NPFFR2: variants seen among roughly 807,000 people sequenced by gnomAD.
The protein encoded by NPFFR2 is G-protein coupled receptor 74.
NPFFR2 carries 15 observed loss-of-function variants against 13.1 expected under a neutral mutation model. The observed-to-expected ratio is 1.15, with a 90% CI of 0.77 to 1.76. NPFFR2 has a LOEUF of 1.76. NPFFR2 is among the 40% of genes most tolerant of loss of function. NPFFR2 has a pLI of 0.00. For missense variants in NPFFR2, 572 were observed against 503.5 expected (o/e 1.14, Z -1.30); for synonymous variants, 190 against 175.7 (o/e 1.08, Z -0.65).
rs116791311 is a variant in NPFFR2, at chr4:72,110,570, C to T, written c.-7-18015C>T. Among the ~76,000 whole-genome samples, 481 of 152,062 alleles carry T rather than the reference C, an allele frequency of 3.2e-3. 3 individuals carry two copies. Among genetic ancestry groups the T allele is most frequent in the African/African-American group, 0.011 (472 of 41,508 alleles). ...ATCATCCAAGACAAAGTTGGTTTCC[C>T]TAGCTTTGGAGTTATCTGATGCCCT... On this transcript the variant is annotated intron_variant, in intron 1 of 3. Coordinates refer to ENST00000308744, the MANE Select transcript of NPFFR2 (RefSeq NM_004885.3).
At chr4:72,082,607 C>T (rs913096956) in intron 1 of NPFFR2, among the ~76,000 whole-genome samples, 1 of 152,198 alleles carries the variant, frequency 6.6e-6, no homozygotes, top group African/African-American at 2.4e-5. Flanking sequence ...ATGATTACAT[C>T]AGGCTGATTA....
In NPFFR2 at chr4:72,032,070, G is replaced by A. The variant is rs1195354906; in HGVS notation, c.-138G>A. ...GGAGTGGAGCAGGCAGTCCGCGGGG[G>A]ACAGACGTCGGCTGGGATTGAGCCG... On this transcript the variant is annotated 5_prime_UTR_variant, in exon 1 of 4. Coordinates refer to ENST00000308744, the MANE Select transcript of NPFFR2 (RefSeq NM_004885.3). The A allele has an allele frequency of 3.7e-6, 6 of 1,614,090 alleles. No homozygotes were observed. Among genetic ancestry groups the A allele is most frequent in the African/African-American group, 1.3e-5 (1 of 75,064 alleles).
At position 72,066,834 on chromosome 4, in the gene NPFFR2, T is replaced by A. The variant is rs115269393; in HGVS notation, c.-8+34634T>A. Among the ~76,000 whole-genome samples the A allele has an allele frequency of 8.0e-3, 1,214 of 152,234 alleles. 8 individuals are homozygous for A. The highest frequency in any genetic ancestry group is 0.017 in the African/African-American group (703 of 41,550). ...TACAACCCCATGGCTTTACTGAGTG[T>A]ACCCCAAGCAGCTGCCCTCACAGAT... On this transcript the variant is annotated intron_variant, in intron 1 of 3. Coordinates refer to ENST00000308744, the MANE Select transcript of NPFFR2 (RefSeq NM_004885.3).
At chr4:72,060,085 AG>A (rs1161168198) in intron 1 of NPFFR2, among the ~76,000 whole-genome samples, 1 of 152,132 alleles carries the variant, frequency 6.6e-6, no homozygotes, top group Non-Finnish European at 1.5e-5. Context: ...GAACTGGTTC[AG>A]GTCTAAAAAT....
At chr4:72,044,569 C>CT (rs1030771627) in intron 1 of NPFFR2, among the ~76,000 whole-genome samples, 10 of 152,030 alleles carry the variant, frequency 6.6e-5, no homozygotes, top group African/African-American at 2.4e-4. Flanking sequence ...TATTTTTTGT[C>CT]TTTTTAATAG....
chr4:72,101,688 G>A (rs1721256423), intron 1 of NPFFR2, among the ~76,000 whole-genome samples: 1 of 151,838 alleles, frequency 6.6e-6, no homozygotes, highest in African/African-American at 2.4e-5. Context: ...CTGGGTAAAG[G>A]GGAAAGAAGG....
intron 2 of NPFFR2, among the ~76,000 whole-genome samples, chr4:72,133,901 A>G (rs1002673652): frequency 2.0e-5 from 3 of 152,004 alleles, no homozygotes; most frequent in Non-Finnish European, 2.9e-5. Flanking sequence ...GCCAATAAAA[A>G]GTGCTCTCAA....
At chr4:72,097,872 A>G (rs982818596) in intron 1 of NPFFR2, among the ~76,000 whole-genome samples, 126 of 152,310 alleles carry the variant, frequency 8.3e-4, no homozygotes, top group African/African-American at 3.0e-3. Context: ...GAACTGCAAT[A>G]TACCCTTCAG....
At chr4:72,032,235 G>C (rs1481548861) in intron 1 of NPFFR2, 35 bp downstream of exon 1, 1 of 1,551,856 alleles carries the variant, frequency 6.4e-7, no homozygotes, top group Non-Finnish European at 8.7e-7. Flanking sequence ...GGGGGCCCCC[G>C]CTTGGGGGCG....
intron 3 of NPFFR2, among the ~76,000 whole-genome samples, chr4:72,138,839 T>C (rs1722504930): frequency 6.6e-6 from 1 of 152,190 alleles, no homozygotes; most frequent in African/African-American, 2.4e-5. Flanking sequence ...ATCGTCACAC[T>C]GTCTTCCCCA....
chr4:72,063,946 G>C (rs772059216), intron 1 of NPFFR2, among the ~76,000 whole-genome samples: 4 of 152,126 alleles, frequency 2.6e-5, no homozygotes, highest in Non-Finnish European at 4.4e-5. Context: ...GAAAACCAAT[G>C]ACTGGGTCTC....
intron 1 of NPFFR2, among the ~76,000 whole-genome samples, chr4:72,059,651 C>G (rs989788327): frequency 1.3e-5 from 2 of 152,012 alleles, no homozygotes; most frequent in Non-Finnish European, 2.9e-5. Flanking sequence ...TAACTTGGCC[C>G]TTCGTATTCT....
intron 1 of NPFFR2, among the ~76,000 whole-genome samples, chr4:72,085,795 A>G (rs1315545285): frequency 6.6e-6 from 1 of 152,150 alleles, no homozygotes; most frequent in Non-Finnish European, 1.5e-5. Flanking sequence ...TTTTTACAGC[A>G]AACTAAAGTT....
chr4:72,085,428 C>CT (rs760329324), intron 1 of NPFFR2, among the ~76,000 whole-genome samples: 3 of 152,100 alleles, frequency 2.0e-5, no homozygotes, highest in African/African-American at 4.8e-5. Context: ...CAGCCACAAG[C>CT]TTTTTTTTCC....
At chr4:72,085,953 T>C (rs969530049) in intron 1 of NPFFR2, among the ~76,000 whole-genome samples, 3 of 152,100 alleles carry the variant, frequency 2.0e-5, no homozygotes, top group African/African-American at 4.8e-5. Context: ...TCTTATAAAC[T>C]GGAAGAGAGC....
chr4:72,091,146 T>C (rs1720909159), intron 1 of NPFFR2, among the ~76,000 whole-genome samples: 1 of 152,092 alleles, frequency 6.6e-6, no homozygotes, highest in African/African-American at 2.4e-5. Flanking sequence ...TATGGACTTG[T>C]GTATGTTCAA....
chr4:72,096,197 A>G lies in NPFFR2; in HGVS notation c.-7-32388A>G, dbSNP rs578035050. Among the ~76,000 whole-genome samples, 3 of 152,344 alleles carry G rather than the reference A, an allele frequency of 2.0e-5. No individual in the cohort carries two copies. In the East Asian group the frequency reaches 5.8e-4, roughly 29 times the overall value. On this transcript the variant is annotated intron_variant, in intron 1 of 3. Coordinates refer to ENST00000308744, the MANE Select transcript of NPFFR2 (RefSeq NM_004885.3). ...CAAAATATTAGATGGTGAAACCTTG[A>G]TAAAATGAACGGTACCAGGTAAATA...
chr4:72,037,134 G>C (rs1167655120), intron 1 of NPFFR2, among the ~76,000 whole-genome samples: 2 of 151,804 alleles, frequency 1.3e-5, no homozygotes, highest in Admixed American at 6.6e-5. Flanking sequence ...ACTCATGCCT[G>C]TAATTCCAGC....
chr4:72,098,960 C>T (rs1721149685), intron 1 of NPFFR2, among the ~76,000 whole-genome samples: 1 of 152,162 alleles, frequency 6.6e-6, no homozygotes, highest in Non-Finnish European at 1.5e-5. Flanking sequence ...AGGAGAAAAA[C>T]AAATGGTCTG....
Sources: allele counts gnomAD v4.1 joint callset (sites outside exome capture counted in the v4.1 genomes callset), GRCh38; gene constraint gnomAD v4.1.1; transcripts MANE v1.5; gene names NCBI Gene and HGNC (gene_info 2026-07-23, HGNC 2026-07-21).